TUBGCP6: variants seen among roughly 807,000 people sequenced by gnomAD.
TUBGCP6 encodes the protein tubulin gamma complex component 6.
A neutral mutation model predicts 175.8 loss-of-function variants in TUBGCP6; 161 were observed. That is an observed-to-expected ratio of 0.92 (90% CI 0.81 to 1.04). The LOEUF (loss-of-function observed/expected upper bound fraction) is 1.04. Ranked by LOEUF, TUBGCP6 falls within the 50% of genes least tolerant of loss-of-function variation. TUBGCP6 has a pLI of 0.00. For synonymous variants in TUBGCP6, 1,173 were observed against 1,030.5 expected (o/e 1.14, Z -2.65); for missense variants, 2,572 against 2,433.0 (o/e 1.06, Z -1.20).
intron 4 of TUBGCP6, 118 bp downstream of exon 4, chr22:50,229,286 A>C (rs1376645682): frequency 1.7e-6 from 2 of 1,158,840 alleles, no homozygotes; most frequent in African/African-American, 3.1e-5. Flanking sequence ...AGATGTTAGC[A>C]AGGAAAGAAA....
In TUBGCP6 at chr22:50,219,743, C is replaced by A; in HGVS notation, c.4216G>T (p.Ala1406Ser). The A allele has an allele frequency of 1.2e-6, 2 of 1,613,820 alleles. No homozygotes were observed. Among genetic ancestry groups the A allele is most frequent in the South Asian group, 2.2e-5 (2 of 91,084 alleles). Residue 1406 changes from alanine to serine, a missense_variant, in exon 18 of 25, where the codon GCA becomes TCA. Transcript: ENST00000248846. Reference protein sequence around the residue: ...SSPGRGEEAEASAAEAQGGEQ... With the variant: ...SSPGRGEEAESSAAEAQGGEQ... ...CCACCCTGAGCCTCCGCCGCCGATG[C>A]CTCCGCCTCCTCACCACGGCCTGGG...
intron 3 of TUBGCP6, among the ~76,000 whole-genome samples, chr22:50,231,843 G>A (rs1569120644): frequency 7.3e-6 from 1 of 137,866 alleles, no homozygotes; most frequent in Non-Finnish European, 1.5e-5. Context: ...CTGGGCCACA[G>A]AGCGAGACTC....
Position 50,225,819 on chromosome 22 carries a change from T to G in TUBGCP6, c.1958A>C (p.His653Pro). The stretch of plus-strand genomic sequence containing the variant: ...CTTCTCCTCCTTGCTGACAGAGCTG[T>G]GGCGGGCCACCCTCTCCATGCGCCC... ...YVGRMERVAR[H>P]SSVSKEEKEL... The change falls in exon 10 of 25, where the codon CAC becomes CCC. Residue 653 changes from histidine (H) to proline (P), a missense_variant. By Grantham distance (77) the His-to-Pro change is moderately conservative. Coordinates refer to ENST00000248846, the MANE Select transcript of TUBGCP6 (RefSeq NM_020461.4). The G allele has an allele frequency of 6.2e-7, 1 of 1,613,528 alleles. No homozygotes were observed. Among genetic ancestry groups the G allele is most frequent in the Non-Finnish European group, 8.5e-7 (1 of 1,179,812 alleles).
intron 3 of TUBGCP6, among the ~76,000 whole-genome samples, chr22:50,230,854 C>T (rs759326047): frequency 6.6e-6 from 1 of 150,592 alleles, no homozygotes; most frequent in South Asian, 2.1e-4. Flanking sequence ...GAGGCCGAAG[C>T]AAGCGGATCA....
chr22:50,244,172 C>T lies in TUBGCP6; in HGVS notation c.288G>A (p.Leu96=), dbSNP rs112323625. 1.1e-5 allele frequency: 17 copies of T among 1,613,368 alleles called. 1 individual carries two copies. Among genetic ancestry groups the T allele is most frequent in the African/African-American group, 8.0e-5 (6 of 75,064 alleles). Residue 96 remains leucine, a synonymous_variant, in exon 1 of 25, where the codon CTG becomes CTA. Transcript: ENST00000248846. ...ADRLEELVEE[L]EAAPCCPLLE... is the part of the protein sequence containing the mutation. Reference sequence around the variant, plus strand: ...AAAGCGGACAGCAAGGGGCTGCTTCCAGCTCCTCCACAAGCTCCTCCAAAC... The same window carrying T: ...AAAGCGGACAGCAAGGGGCTGCTTCTAGCTCCTCCACAAGCTCCTCCAAAC...
intron 18 of TUBGCP6, 88 bp from the exon 19 acceptor site, chr22:50,219,544 C>T: frequency 6.3e-7 from 1 of 1,584,622 alleles, no homozygotes; most frequent in Non-Finnish European, 8.6e-7. Context: ...GTGCTGGGAA[C>T]TGGCTAGCCC....
At chr22:50,226,911 C>A in intron 6 of TUBGCP6, 69 bp from the exon 7 acceptor site, 2 of 1,554,990 alleles carry the variant, frequency 1.3e-6, no homozygotes, top group South Asian at 2.4e-5. Flanking sequence ...GCAGCCCTGC[C>A]GGCAGCAGCC....
In TUBGCP6 at chr22:50,244,967, A is replaced by G; in HGVS notation, c.-508T>C. ...CCCGTTCTCCAGGCCTCACCCGTGG[A>G]AAGTGCCCACGGCTGCCGCTCTCGC... On this transcript the variant is annotated 5_prime_UTR_variant, in exon 1 of 25. Transcript: ENST00000248846. The G allele has an allele frequency of 4.5e-6, 1 of 222,950 alleles. No homozygotes were observed. The allele number at this position is 222,950 out of a possible 1,614,324, so 13.8% of individuals were successfully genotyped here.
chr22:50,227,121 T>C (rs1030145127), intron 5 of TUBGCP6, 44 bp from the exon 6 acceptor site: 2 of 1,555,776 alleles, frequency 1.3e-6, no homozygotes, highest in Admixed American at 1.8e-5. Context: ...GGGCTCAGGG[T>C]TCCCAGGCCT....
In TUBGCP6 at chr22:50,218,522, C is replaced by T. The variant is rs199687394; in HGVS notation, c.4920G>A (p.Ala1640=). ...FLLQLKLMMW[A]LKDVCFHLKR... is the part of the protein sequence containing the mutation. ...TGAGGTGGAAGCAGACGTCCTTGAGCGCCCACATCATGAGCTTCAGCTGCA... is the reference window on the plus strand; with the variant it reads ...TGAGGTGGAAGCAGACGTCCTTGAGTGCCCACATCATGAGCTTCAGCTGCA... Residue 1640 remains alanine, a synonymous_variant, in exon 22 of 25, where the codon GCG becomes GCA. Transcript: ENST00000248846. 17 of 1,613,672 alleles carry T rather than the reference C, an allele frequency of 1.1e-5. No homozygotes were observed. Among genetic ancestry groups the T allele is most frequent in the African/African-American group, 5.3e-5 (4 of 75,030 alleles).
chr22:50,226,696 G>A, intron 7 of TUBGCP6, 37 bp downstream of exon 7: 1 of 1,510,200 alleles, frequency 6.6e-7, no homozygotes, highest in South Asian at 1.2e-5. Context: ...CCTGGTGGGA[G>A]TGCGCGCCCG....
At chr22:50,219,527 G>A in intron 18 of TUBGCP6, 71 bp from the exon 19 acceptor site, 4 of 1,586,644 alleles carry the variant, frequency 2.5e-6, no homozygotes, top group Non-Finnish European at 3.4e-6. Context: ...CACAGGAGAT[G>A]GAGCACGTGC....
Position 50,219,652 on chromosome 22 carries a change from T to A in TUBGCP6, c.4307A>T (p.Glu1436Val), listed in dbSNP as rs1237863431. 1 of 1,613,280 alleles carries A rather than the reference T, an allele frequency of 6.2e-7. No homozygotes were observed. The highest frequency in any genetic ancestry group is 8.5e-7 in the Non-Finnish European group (1 of 1,179,790). ...YHLERYPDSY[E>V]SMSEPPIAHL... is the part of the protein sequence containing the mutation. Reference sequence around the variant, plus strand: ...GCAACTGCTGCACTCACACATGGACTCGTAACTGTCCGGGTACCGCTCCAA... The same window carrying A: ...GCAACTGCTGCACTCACACATGGACACGTAACTGTCCGGGTACCGCTCCAA... Residue 1436 changes from glutamate (E) to valine (V), a missense_variant, in exon 18 of 25, where the codon GAG becomes GTG. Transcript: ENST00000248846.
intron 17 of TUBGCP6, 44 bp downstream of exon 17, chr22:50,219,913 C>A (rs781742081): frequency 2.5e-6 from 4 of 1,612,036 alleles, no homozygotes; most frequent in Non-Finnish European, 3.4e-6. Context: ...AGGGACAGAG[C>A]CCTCCCTGCC....
In TUBGCP6 at chr22:50,217,994, ACCCCGCGGGCC is replaced by A. The variant is rs747562987; in HGVS notation, c.5281_5291del (p.Gly1761CysfsTer66). The A allele has an allele frequency of 3.7e-6, 6 of 1,602,908 alleles. No individual in the cohort carries two copies. Among genetic ancestry groups the A allele is most frequent in the African/African-American group, 1.3e-5 (1 of 74,632 alleles). On this transcript the variant is annotated frameshift_variant, in exon 24 of 25. Transcript: ENST00000248846. LOFTEE classifies it high-confidence loss of function. ...TGAGTGCAAAGTTGGGGTGCTCTGC[ACCCCGCGGGCC>A]CCCAGGGGGCCCCCAGGCCTGGGAG...
At chr22:50,217,890 C>T (rs760917530) in intron 24 of TUBGCP6, 28 bp downstream of exon 24, 1 of 1,604,628 alleles carries the variant, frequency 6.2e-7, no homozygotes, top group Non-Finnish European at 8.5e-7. Flanking sequence ...GGCCCCCCCG[C>T]AGCCCTCCCA....
chr22:50,238,372 G>A (rs74671070), intron 2 of TUBGCP6, among the ~76,000 whole-genome samples: 2,251 of 149,734 alleles, frequency 0.015, 63 homozygotes, highest in East Asian at 0.12. Context: ...ACTTGAACCC[G>A]GGAGGCGGAG....
intron 7 of TUBGCP6, among the ~76,000 whole-genome samples, 163 bp downstream of exon 7, chr22:50,226,570 T>C (rs1302675184): frequency 2.3e-4 from 1 of 4,382 alleles, no homozygotes. Context: ...GGGTGTGGAG[T>C]GGGGGCAGGG....
chr22:50,234,096 A>G (rs1166530414), intron 2 of TUBGCP6, among the ~76,000 whole-genome samples: 1 of 143,102 alleles, frequency 7.0e-6, no homozygotes, highest in Non-Finnish European at 1.5e-5. Context: ...TACCCCATCC[A>G]TGGCAGCATC....
Sources: allele counts gnomAD v4.1 joint callset (sites outside exome capture counted in the v4.1 genomes callset), GRCh38; gene constraint gnomAD v4.1.1; transcripts MANE v1.5; gene names NCBI Gene and HGNC (gene_info 2026-07-23, HGNC 2026-07-21).